The following CREB3L2 variants were observed in gnomAD, a reference collection of about 807,000 sequenced individuals.
CREB3L2 encodes cAMP responsive element binding protein 3 like 2, also known as cyclic AMP-responsive element-binding protein 3-like protein 2.
In CREB3L2, 23 loss-of-function variants were observed where a neutral mutation model predicts 57.2. That is an observed-to-expected ratio of 0.40 (90% CI 0.29 to 0.57). The LOEUF (loss-of-function observed/expected upper bound fraction) is 0.57, where lower values mean the gene tolerates loss of function less well. Ranked by LOEUF, CREB3L2 falls within the 20% of genes least tolerant of loss-of-function variation. The pLI is 0.42. For synonymous variants in CREB3L2, 268 were observed against 265.1 expected, an observed-to-expected ratio of 1.01 and a Z score of -0.11; for missense variants, 628 against 634.7, an observed-to-expected ratio of 0.99 and a Z score of 0.11.
chr7:137,944,050 A>G (rs541405409), intron 1 of CREB3L2, among the ~76,000 whole-genome samples: 8 of 152,278 alleles, frequency 5.3e-5, no homozygotes, highest in African/African-American at 1.9e-4. Flanking sequence ...AAGACCCACC[A>G]ATATCCAAAT....
At chr7:137,884,899 T>C (rs770966056) in intron 10 of CREB3L2, 96 bp downstream of exon 10, 10 of 1,531,072 alleles carry the variant, frequency 6.5e-6, no homozygotes, top group Admixed American at 1.7e-5. Flanking sequence ...TTTTTAAACA[T>C]TGGACTTTCA....
chr7:137,896,570 G>T (rs1799631956), intron 8 of CREB3L2, among the ~76,000 whole-genome samples: 1 of 152,164 alleles, frequency 6.6e-6, no homozygotes, highest in African/African-American at 2.4e-5. Context: ...CAAAATACTG[G>T]GATTACAGGT....
At chr7:137,982,211 A>T (rs944760349) in intron 1 of CREB3L2, among the ~76,000 whole-genome samples, 2 of 152,210 alleles carry the variant, frequency 1.3e-5, no homozygotes, top group African/African-American at 4.8e-5. Context: ...TGCCCTAAAG[A>T]GCATTTCCAG....
At chr7:137,969,961 A>G (rs1259635112) in intron 1 of CREB3L2, among the ~76,000 whole-genome samples, 1 of 152,216 alleles carries the variant, frequency 6.6e-6, no homozygotes, top group Non-Finnish European at 1.5e-5. Context: ...AATAGGCACA[A>G]CCTAAGAAAC....
chr7:137,946,947 G>A (rs865867683), intron 1 of CREB3L2, among the ~76,000 whole-genome samples: 1 of 96,836 alleles, frequency 1.0e-5, no homozygotes, highest in Non-Finnish European at 2.0e-5. Context: ...TATATATATA[G>A]TTATATATAT....
chr7:137,885,162 T>G (rs1799387910), intron 9 of CREB3L2, 41 bp from the exon 10 acceptor site: 1 of 1,608,754 alleles, frequency 6.2e-7, no homozygotes, highest in African/African-American at 1.3e-5. Context: ...CGAGGGGCTG[T>G]GGACTTCAGC....
intron 3 of CREB3L2, among the ~76,000 whole-genome samples, chr7:137,914,484 T>C (rs1312766744): frequency 6.6e-6 from 1 of 152,014 alleles, no homozygotes; most frequent in African/African-American, 2.4e-5. Flanking sequence ...ATACAAAAAT[T>C]AGCCAGGCGT....
At chr7:137,959,017 T>C (rs973236149) in intron 1 of CREB3L2, among the ~76,000 whole-genome samples, 1 of 152,228 alleles carries the variant, frequency 6.6e-6, no homozygotes, top group Non-Finnish European at 1.5e-5. Context: ...TACTACAGTA[T>C]GTGTGTATGT....
intron 1 of CREB3L2, among the ~76,000 whole-genome samples, chr7:137,942,236 C>T (rs1800892310): frequency 1.3e-5 from 2 of 152,204 alleles, no homozygotes; most frequent in Non-Finnish European, 2.9e-5. Context: ...CTGAACTGCA[C>T]TATCAAGTTC....
chr7:137,905,813 C>G lies in CREB3L2; in HGVS notation c.804G>C (p.Glu268Asp). ...CAGCGATCAGGGTCCTCTTCTCCTC[C>G]TCTGTCAGGACCAGAGGGCCTGATC... ...LQGSGPLVLT[E>D]EEKRTLIAEG... The change falls in exon 6 of 12, where the codon GAG becomes GAC. Residue 268 changes from glutamate to aspartate, a missense_variant. Coordinates refer to ENST00000330387, the MANE Select transcript of CREB3L2 (RefSeq NM_194071.4). The G allele has an allele frequency of 6.2e-7, 1 of 1,614,084 alleles. No homozygotes were observed. Among genetic ancestry groups the G allele is most frequent in the African/African-American group, 1.3e-5 (1 of 75,048 alleles).
chr7:137,902,803 ATTGAG>A (rs1175428344), intron 7 of CREB3L2, among the ~76,000 whole-genome samples: 1 of 126,810 alleles, frequency 7.9e-6, no homozygotes, highest in Non-Finnish European at 1.7e-5. Flanking sequence ...GTTTTTTTTT[ATTGAG>A]TTGTTTGGTT....
At chr7:137,900,823 T>A (rs201275559) in intron 8 of CREB3L2, among the ~76,000 whole-genome samples, 2 of 151,446 alleles carry the variant, frequency 1.3e-5, no homozygotes, top group East Asian at 1.9e-4. Context: ...AAAAAAAAAA[T>A]ACCAATGATT....
intron 1 of CREB3L2, among the ~76,000 whole-genome samples, chr7:137,978,818 A>G (rs886233152): frequency 3.9e-5 from 6 of 152,186 alleles, no homozygotes; most frequent in Non-Finnish European, 7.3e-5. Context: ...CTGGGCACAG[A>G]GTGCGGCTCA....
At chr7:137,887,594 AGTTACTCG>A (rs1233598256) in intron 8 of CREB3L2, among the ~76,000 whole-genome samples, 4 of 152,110 alleles carry the variant, frequency 2.6e-5, no homozygotes, top group Non-Finnish European at 1.5e-5. Flanking sequence ...CTGTAATCCC[AGTTACTCG>A]GGAGGCTGAG....
chr7:137,991,683 G>C (rs973320172), intron 1 of CREB3L2, among the ~76,000 whole-genome samples: 3 of 151,994 alleles, frequency 2.0e-5, no homozygotes, highest in African/African-American at 4.8e-5. Context: ...AAGGCAGGTG[G>C]ATCACTTGAG....
intron 1 of CREB3L2, among the ~76,000 whole-genome samples, chr7:137,976,242 G>A (rs551386787): frequency 6.6e-6 from 1 of 152,174 alleles, no homozygotes; most frequent in Non-Finnish European, 1.5e-5. Context: ...CCAGCCACCA[G>A]GCATGTGCCA....
At chr7:137,976,533 T>C (rs943064496) in intron 1 of CREB3L2, among the ~76,000 whole-genome samples, 12 of 152,264 alleles carry the variant, frequency 7.9e-5, no homozygotes, top group African/African-American at 2.7e-4. Context: ...GAATACCATA[T>C]GCCTACTGCC....
chr7:137,917,799 G>A (rs1800168700), intron 2 of CREB3L2, among the ~76,000 whole-genome samples: 1 of 152,166 alleles, frequency 6.6e-6, no homozygotes, highest in Non-Finnish European at 1.5e-5. Context: ...TTCCCAAGGT[G>A]AAATAAAGAC....
intron 1 of CREB3L2, among the ~76,000 whole-genome samples, chr7:137,981,408 C>G (rs1801708798): frequency 6.6e-6 from 1 of 152,106 alleles, no homozygotes; most frequent in South Asian, 2.1e-4. Context: ...ACTGAAGTGA[C>G]TTAGAGAAAA....
Sources: allele counts gnomAD v4.1 joint callset (sites outside exome capture counted in the v4.1 genomes callset), GRCh38; gene constraint gnomAD v4.1.1; transcripts MANE v1.5; gene names NCBI Gene and HGNC (gene_info 2026-07-23, HGNC 2026-07-21).